The following GASK1B variants were observed in gnomAD, a reference collection of about 807,000 sequenced individuals.
GASK1B encodes the protein golgi associated kinase 1B.
GASK1B carries 34 observed loss-of-function variants against 42.8 expected under a neutral mutation model. The observed-to-expected ratio is 0.79, with a 90% CI of 0.60 to 1.06. The LOEUF is 1.06. Among genes scored for constraint, GASK1B ranks in the 50% least tolerant of loss-of-function variants. The pLI, the probability that GASK1B is intolerant of heterozygous loss-of-function variation, is 0.00. For missense variants in GASK1B, 686 were observed against 661.0 expected (o/e 1.04, Z -0.42); for synonymous variants, 262 against 259.1 (o/e 1.01, Z -0.11).
Position 158,124,525 on chromosome 4 carries a change from C to G in GASK1B, c.*2882G>C, listed in dbSNP as rs1468909537. On this transcript the variant is annotated 3_prime_UTR_variant, in exon 5 of 5. Coordinates refer to ENST00000585682, the MANE Select transcript of GASK1B (RefSeq NM_001128424.2). ...TCCATATAATTTTCAGATGAATGCT[C>G]TAAATGTGTGCTTGTTCTGTGCTGA... 3 of 152,132 alleles carry G rather than the reference C, an allele frequency of 2.0e-5. No individual in the cohort carries two copies. The highest frequency in any genetic ancestry group is 4.4e-5 in the Non-Finnish European group (3 of 68,020). 9.4% of individuals were successfully genotyped at this position (152,132 alleles called of 1,614,324 possible). A position where few individuals can be genotyped will look rare whatever the true frequency, so the allele number is the denominator to read the frequency against.
chr4:158,130,961 C>G lies in GASK1B; in HGVS notation c.1177G>C (p.Asp393His). 6.2e-7 allele frequency: 1 copy of G among 1,614,060 alleles called. No homozygotes were observed. Among genetic ancestry groups the G allele is most frequent in the Non-Finnish European group, 8.5e-7 (1 of 1,179,964 alleles). Residue 393 changes from aspartate (D) to histidine (H), a missense_variant, in exon 4 of 5, where the codon GAT becomes CAT. Coordinates refer to ENST00000585682, the MANE Select transcript of GASK1B (RefSeq NM_001128424.2). Reference sequence around the variant, plus strand: ...CTCAATCCATTCTGTACACAGGCATCTTCCTTGCGAGGTCTGAATCCACAG... The same window carrying G: ...CTCAATCCATTCTGTACACAGGCATGTTCCTTGCGAGGTCTGAATCCACAG... ...NCCGFRPRKE[D>H]ACVQNGLRPK...
chr4:158,170,436 T>C, intron 2 of GASK1B, 30 bp downstream of exon 2: 1 of 1,614,188 alleles, frequency 6.2e-7, no homozygotes, highest in East Asian at 2.2e-5. Context: ...CCCCAACAGC[T>C]GCAAATAACG....
chr4:158,169,970 G>GC (rs1732399066), intron 2 of GASK1B: 1 of 435,004 alleles, frequency 2.3e-6, no homozygotes, highest in South Asian at 4.3e-5. Context: ...GAAAAAAAAA[G>GC]GGGGGGTTAA....
intron 3 of GASK1B, among the ~76,000 whole-genome samples, chr4:158,138,679 T>G (rs2110947569): frequency 6.6e-6 from 1 of 152,110 alleles, no homozygotes; most frequent in East Asian, 1.9e-4. Flanking sequence ...ATGACAAAAA[T>G]AAGTAAAGAT....
intron 4 of GASK1B, among the ~76,000 whole-genome samples, chr4:158,128,482 G>T (rs547555434): frequency 6.6e-6 from 1 of 152,126 alleles, no homozygotes; most frequent in Non-Finnish European, 1.5e-5. Flanking sequence ...TCCCCAATTT[G>T]ACATTTCTCA....
chr4:158,157,322 A>ACT (rs377102650), intron 2 of GASK1B, among the ~76,000 whole-genome samples: 36 of 151,996 alleles, frequency 2.4e-4, no homozygotes, highest in African/African-American at 7.5e-4. Context: ...CATTTGTAGC[A>ACT]CTCTCTCTCT....
chr4:158,151,727 C>T (rs1334655303), intron 3 of GASK1B, among the ~76,000 whole-genome samples: 1 of 152,140 alleles, frequency 6.6e-6, no homozygotes, highest in Non-Finnish European at 1.5e-5. Context: ...ATATATACAA[C>T]CCTCCTAGAT....
At chr4:158,161,240 A>G (rs556586461) in intron 2 of GASK1B, among the ~76,000 whole-genome samples, 14 of 152,290 alleles carry the variant, frequency 9.2e-5, no homozygotes, top group African/African-American at 3.4e-4. Flanking sequence ...TTGTAAACAT[A>G]TATCAAATAA....
intron 3 of GASK1B, among the ~76,000 whole-genome samples, chr4:158,139,071 T>C (rs1036115928): frequency 3.9e-5 from 6 of 152,188 alleles, no homozygotes; most frequent in African/African-American, 1.4e-4. Flanking sequence ...TATATATTTT[T>C]CCCATATTAC....
At chr4:158,134,312 T>C (rs1044119549) in intron 3 of GASK1B, among the ~76,000 whole-genome samples, 2 of 152,254 alleles carry the variant, frequency 1.3e-5, no homozygotes, top group Non-Finnish European at 2.9e-5. Flanking sequence ...ATCCATAATA[T>C]GGTTTTAATA....
At chr4:158,163,806 C>T (rs535256686) in intron 2 of GASK1B, among the ~76,000 whole-genome samples, 50 of 152,274 alleles carry the variant, frequency 3.3e-4, no homozygotes, top group African/African-American at 1.2e-3. Flanking sequence ...GTCTACATTG[C>T]CCGTCCACAC....
intron 2 of GASK1B, chr4:158,167,281 C>T (rs1039693875): frequency 2.0e-5 from 3 of 152,150 alleles, no homozygotes; most frequent in Non-Finnish European, 2.9e-5. Context: ...ATTGTTCCTC[C>T]TGCAGAAAAC....
intron 3 of GASK1B, among the ~76,000 whole-genome samples, chr4:158,142,240 G>A (rs936578559): frequency 9.2e-5 from 14 of 152,184 alleles, no homozygotes; most frequent in East Asian, 3.9e-4. Context: ...CACCGCGCCC[G>A]GCCGATGTTG....
chr4:158,149,813 T>C (rs1307778636), intron 3 of GASK1B, among the ~76,000 whole-genome samples: 1 of 152,162 alleles, frequency 6.6e-6, no homozygotes, highest in Non-Finnish European at 1.5e-5. Context: ...CAGCCAGATT[T>C]GATGATACCT....
intron 3 of GASK1B, among the ~76,000 whole-genome samples, chr4:158,151,380 T>A (rs1027235961): frequency 3.3e-5 from 5 of 152,182 alleles, no homozygotes; most frequent in Non-Finnish European, 7.3e-5. Flanking sequence ...GAAGACACTT[T>A]ACCATCAACA....
chr4:158,141,217 A>T (rs1731101023), intron 3 of GASK1B, among the ~76,000 whole-genome samples: 1 of 152,040 alleles, frequency 6.6e-6, no homozygotes, highest in Non-Finnish European at 1.5e-5. Flanking sequence ...CATGTGAGGA[A>T]TCTATATGTT....
chr4:158,143,670 C>T (rs1182688059), intron 3 of GASK1B, among the ~76,000 whole-genome samples: 2 of 152,210 alleles, frequency 1.3e-5, no homozygotes, highest in East Asian at 3.9e-4. Context: ...ACAAAAATCT[C>T]AAACCTGGCA....
At chr4:158,163,597 T>A (rs1379828373) in intron 2 of GASK1B, among the ~76,000 whole-genome samples, 1 of 151,962 alleles carries the variant, frequency 6.6e-6, no homozygotes, top group African/African-American at 2.4e-5. Context: ...AGTGTTAGTA[T>A]GCGTTAAGCA....
rs540754147 is a variant in GASK1B at position 158,142,698 on chromosome 4, T to C, written c.1126-11686A>G. 3.9e-5 allele frequency among the ~76,000 whole-genome samples: 6 copies of C among 152,206 alleles called. No homozygotes were observed. The South Asian group carries it at 1.0e-3, about 26-fold the overall frequency. On this transcript the variant is annotated intron_variant, in intron 3 of 4. Transcript: ENST00000585682. ...AGGACTAACCAGATATGATGTCTTC[T>C]GATAAAAGAACACACCACTATCTAC... is the stretch of plus-strand genomic sequence containing the variant.
Sources: gnomAD v4.1 joint callset for allele counts (sites outside exome capture counted in the v4.1 genomes callset) on GRCh38, gnomAD v4.1.1 for gene constraint, MANE v1.5 for transcripts, NCBI Gene and HGNC (gene_info 2026-07-23, HGNC 2026-07-21) for gene names.